The following KDM4A variants were observed in gnomAD, a reference collection of about 807,000 sequenced individuals.
The protein encoded by KDM4A is lysine-specific demethylase 4A.
In KDM4A, 23 loss-of-function variants were observed where a neutral mutation model predicts 127.1. That is an observed-to-expected ratio of 0.18 (90% CI 0.13 to 0.26). The LOEUF (loss-of-function observed/expected upper bound fraction) is 0.26. Ranked by LOEUF, KDM4A falls within the 10% of genes least tolerant of loss-of-function variation. The pLI is 1.00. For synonymous variants in KDM4A, 443 were observed against 466.5 expected, an observed-to-expected ratio of 0.95 and a Z score of 0.65; for missense variants, 890 against 1,329.1, an observed-to-expected ratio of 0.67 and a Z score of 5.14.
At chr1:43,655,854 A>G in intron 3 of KDM4A, 88 bp downstream of exon 3, 1 of 1,091,042 alleles carries the variant, frequency 9.2e-7, no homozygotes, top group Non-Finnish European at 1.3e-6. Context: ...TGCTGTCCTG[A>G]TGAACAGTGT....
At chr1:43,666,631 AT>A in intron 7 of KDM4A, 76 bp downstream of exon 7, 2 of 1,178,018 alleles carry the variant, frequency 1.7e-6, no homozygotes, top group South Asian at 2.5e-5. Flanking sequence ...ATTCTAGTTC[AT>A]CACTATACCA....
intron 4 of KDM4A, among the ~76,000 whole-genome samples, chr1:43,661,826 T>G (rs1045943685): frequency 6.6e-6 from 1 of 151,928 alleles, no homozygotes; most frequent in Admixed American, 6.6e-5. Context: ...GAAAAGGATA[T>G]TCCACATTTT....
intron 11 of KDM4A, among the ~76,000 whole-genome samples, chr1:43,675,800 C>T (rs1265400759): frequency 6.6e-6 from 1 of 152,056 alleles, no homozygotes; most frequent in African/African-American, 2.4e-5. Context: ...GGGCCGGGTG[C>T]CGTGGTGCAT....
At chr1:43,680,153 G>A (rs1026812438) in intron 11 of KDM4A, among the ~76,000 whole-genome samples, 13 of 152,302 alleles carry the variant, frequency 8.5e-5, no homozygotes, top group African/African-American at 2.9e-4. Context: ...ATGAGGAAAT[G>A]TGAAAAGATA....
intron 8 of KDM4A, among the ~76,000 whole-genome samples, chr1:43,667,429 T>C (rs1001358108): frequency 6.6e-6 from 1 of 152,164 alleles, no homozygotes; most frequent in Non-Finnish European, 1.5e-5. Context: ...CTTTGACTGA[T>C]AGTAGTAGAC....
intron 11 of KDM4A, among the ~76,000 whole-genome samples, chr1:43,678,643 AGT>A (rs1660791935): frequency 6.7e-6 from 1 of 148,314 alleles, no homozygotes; most frequent in South Asian, 2.1e-4. Context: ...GCTGGAGTGC[AGT>A]GGTGCGATCT....
At chr1:43,703,914 A>G in intron 20 of KDM4A, 106 bp from the exon 21 acceptor site, 1 of 1,296,092 alleles carries the variant, frequency 7.7e-7, no homozygotes, top group South Asian at 1.3e-5. Context: ...TTGTTATTTT[A>G]GTGTTCTAAC....
chr1:43,685,321 G>A (rs891347065), intron 12 of KDM4A, among the ~76,000 whole-genome samples: 1 of 152,136 alleles, frequency 6.6e-6, no homozygotes, highest in African/African-American at 2.4e-5. Flanking sequence ...CTCAGCTCCA[G>A]CTTGGTTGGT....
chr1:43,694,641 A>G lies in KDM4A; in HGVS notation c.2485-68A>G. The G allele has an allele frequency of 7.2e-7, 1 of 1,394,516 alleles. No individual in the cohort carries two copies. Among genetic ancestry groups the G allele is most frequent in the Non-Finnish European group, 9.9e-7 (1 of 1,006,890 alleles). 86.4% of individuals were successfully genotyped at this position (1,394,516 alleles called of 1,614,324 possible). A position where few individuals can be genotyped will look rare whatever the true frequency, so the allele number is the denominator to read the frequency against. ...TTGCTTGCTTGGCTTTGCATTTGGG[A>G]GGGGAACAACAGAGGAAGCTGCAGT... On this transcript the variant is annotated intron_variant, in intron 17 of 21. Coordinates refer to ENST00000372396, the MANE Select transcript of KDM4A (RefSeq NM_014663.3). The surrounding 1 kb of genome is among the most constrained non-coding windows in gnomAD (Gnocchi z 5.2).
intron 11 of KDM4A, among the ~76,000 whole-genome samples, chr1:43,681,198 G>A (rs1202333749): frequency 6.6e-6 from 1 of 152,206 alleles, no homozygotes. Flanking sequence ...CCACTTCCCT[G>A]CTCAGCTCTT....
At chr1:43,652,934 T>G (rs1461325819) in intron 1 of KDM4A, among the ~76,000 whole-genome samples, 1 of 152,148 alleles carries the variant, frequency 6.6e-6, no homozygotes, top group Non-Finnish European at 1.5e-5. Flanking sequence ...TGCACCCGCT[T>G]TGGCCTCCCA....
rs2154049719 is a variant in KDM4A, at chr1:43,703,703, G to A, written c.2928G>A (p.Lys976=). ...CAGACGGCCAAGTCTATGGAGCCAA[G>A]TTTGTGGCCTCCCACCCTATCCAAA... ...RWTDGQVYGA[K]FVASHPIQMY... Residue 976 remains lysine, a synonymous_variant, in exon 20 of 22, where the codon AAG becomes AAA. Transcript: ENST00000372396. 6.2e-7 allele frequency: 1 copy of A among 1,614,186 alleles called. No homozygotes were observed. Among genetic ancestry groups the A allele is most frequent in the Non-Finnish European group, 8.5e-7 (1 of 1,180,028 alleles).
Position 43,664,332 on chromosome 1 carries a change from C to T in KDM4A, c.623+1245C>T, listed in dbSNP as rs144542347. On this transcript the variant is annotated intron_variant, in intron 5 of 21. Transcript: ENST00000372396. The stretch of plus-strand genomic sequence containing the variant: ...CTGTAATCCCAGCACTTTGGGAAGC[C>T]GAGGTGGGTGGATCACCTGAAGTCA... Among the ~76,000 whole-genome samples the T allele has an allele frequency of 8.0e-4, 121 of 152,002 alleles. 1 individual carries two copies. In the East Asian group the frequency reaches 0.019, roughly 24 times the overall value.
In KDM4A at chr1:43,662,878, G is replaced by A; in HGVS notation, c.430-16G>A. 1 of 1,599,672 alleles carries A rather than the reference G, an allele frequency of 6.3e-7. No homozygotes were observed. On this transcript the variant is annotated splice_polypyrimidine_tract_variant and intron_variant, in intron 4 of 21. Coordinates refer to ENST00000372396, the MANE Select transcript of KDM4A (RefSeq NM_014663.3). Reference sequence around the variant, plus strand: ...ATGCAAATGTAACTTGCCCTGGACTGTCATTGCCTTTGCAGCATGTTGATG... The same window carrying A: ...ATGCAAATGTAACTTGCCCTGGACTATCATTGCCTTTGCAGCATGTTGATG...
intron 19 of KDM4A, chr1:43,699,678 C>G (rs1388255259): frequency 1.3e-5 from 2 of 150,260 alleles, no homozygotes; most frequent in Non-Finnish European, 3.0e-5. Context: ...AAAACAAAAA[C>G]AAAAGATTGC....
chr1:43,686,506 T>G (rs1342425498), intron 12 of KDM4A, among the ~76,000 whole-genome samples: 1 of 151,874 alleles, frequency 6.6e-6, no homozygotes, highest in Non-Finnish European at 1.5e-5. Context: ...CCAGCTAATT[T>G]TTGTATCTTT....
chr1:43,664,321 C>A (rs1660452436), intron 5 of KDM4A, among the ~76,000 whole-genome samples: 1 of 152,130 alleles, frequency 6.6e-6, no homozygotes, highest in African/African-American at 2.4e-5. Context: ...AATCCCAGCA[C>A]TTTGGGAAGC....
chr1:43,661,005 G>A (rs930487376), intron 4 of KDM4A, among the ~76,000 whole-genome samples: 4 of 149,772 alleles, frequency 2.7e-5, no homozygotes, highest in African/African-American at 9.9e-5. Context: ...ACGGAGTTTC[G>A]CTTTTGTTGC....
intron 3 of KDM4A, among the ~76,000 whole-genome samples, chr1:43,659,032 A>C (rs11210901): frequency 0.54 from 82,510 of 151,674 alleles, 24,474 homozygotes; most frequent in African/African-American, 0.81. Flanking sequence ...TGCATTGGCT[A>C]ACTTCTATAA....
Sources: gnomAD v4.1 joint callset for allele counts (sites outside exome capture counted in the v4.1 genomes callset) on GRCh38, gnomAD v4.1.1 for gene constraint, Gnocchi (gnomAD v3.1) non-coding constraint, MANE v1.5 for transcripts, NCBI Gene and HGNC (gene_info 2026-07-23, HGNC 2026-07-21) for gene names.